MKRN2: variants seen among roughly 807,000 people sequenced by gnomAD.
MKRN2 encodes the protein E3 ubiquitin-protein ligase makorin-2.
A neutral mutation model predicts 45.4 loss-of-function variants in MKRN2; 32 were observed. The ratio of observed to expected loss-of-function variants is 0.70; its 90% CI spans 0.53 to 0.95. The LOEUF (loss-of-function observed/expected upper bound fraction) is 0.95, where lower values mean the gene tolerates loss of function less well. Ranked by LOEUF, MKRN2 falls within the 40% of genes least tolerant of loss-of-function variation. The probability of loss-of-function intolerance (pLI) is 0.00; values close to 1 mark genes in which losing one functional copy is unlikely to be tolerated. For synonymous variants in MKRN2, 206 were observed against 192.4 expected, an observed-to-expected ratio of 1.07 and a Z score of -0.59; for missense variants, 526 against 536.7, an observed-to-expected ratio of 0.98 and a Z score of 0.20.
intron 1 of MKRN2, among the ~76,000 whole-genome samples, chr3:12,564,341 T>C (rs1449219848): frequency 6.6e-6 from 1 of 152,254 alleles, no homozygotes; most frequent in Non-Finnish European, 1.5e-5. Flanking sequence ...TGTTTTTCTA[T>C]AGAAGCTGCA....
rs748037894 is a variant in MKRN2 at position 12,576,689 on chromosome 3, G to A, written c.916G>A (p.Glu306Lys). 1 of 1,610,970 alleles carries A rather than the reference G, an allele frequency of 6.2e-7. No individual in the cohort carries two copies. The highest frequency in any genetic ancestry group is 8.5e-7 in the Non-Finnish European group (1 of 1,177,426). ...EFVIPSVYWV[E>K]DQNKKNELIE... ...TGTAATTCCAAGTGTGTATTGGGTGGAAGATCAGAATAAAAAGAACGAGTT... is the reference window on the plus strand; with the variant it reads ...TGTAATTCCAAGTGTGTATTGGGTGAAAGATCAGAATAAAAAGAACGAGTT... Residue 306 changes from glutamate (E) to lysine (K), a missense_variant, in exon 6 of 8, where the codon GAA (glutamate) becomes AAA (lysine). Glu to Lys is a moderately conservative substitution (Grantham distance 56). Transcript: ENST00000170447.
chr3:12,568,592 G>A (rs1167042655), intron 1 of MKRN2, among the ~76,000 whole-genome samples: 1 of 152,094 alleles, frequency 6.6e-6, no homozygotes, highest in African/African-American at 2.4e-5. Context: ...CAATTATGTG[G>A]CTCACATTGA....
At chr3:12,567,565 C>T (rs557047113) in intron 1 of MKRN2, among the ~76,000 whole-genome samples, 58 of 150,118 alleles carry the variant, frequency 3.9e-4, no homozygotes, top group African/African-American at 1.3e-3. Context: ...CTCGGCTCAC[C>T]GCAACCTCCA....
At chr3:12,571,994 G>T in intron 3 of MKRN2, 75 bp from the exon 4 acceptor site, 2 of 1,423,090 alleles carry the variant, frequency 1.4e-6, no homozygotes, top group Non-Finnish European at 1.9e-6. Context: ...AGCTTAATAT[G>T]TTAGGCTTTG....
intron 4 of MKRN2, 139 bp from the exon 5 acceptor site, chr3:12,574,653 C>T (rs1575521387): frequency 2.6e-6 from 2 of 781,264 alleles, no homozygotes; most frequent in Non-Finnish European, 4.2e-6. Context: ...TTGGGGGAGC[C>T]TGGGCCTTTG....
chr3:12,574,186 G>A (rs1003290671), intron 4 of MKRN2, among the ~76,000 whole-genome samples: 6 of 152,234 alleles, frequency 3.9e-5, no homozygotes, highest in African/African-American at 1.4e-4. Flanking sequence ...AAGTGTGTGA[G>A]GTCTCTGCGG....
chr3:12,561,215 A>G (rs2058034194), intron 1 of MKRN2, among the ~76,000 whole-genome samples: 1 of 152,244 alleles, frequency 6.6e-6, no homozygotes, highest in Non-Finnish European at 1.5e-5. Context: ...TCACCAGCTT[A>G]TAAATGGCAA....
chr3:12,566,177 C>A (rs1333182760), intron 1 of MKRN2, among the ~76,000 whole-genome samples: 1 of 152,084 alleles, frequency 6.6e-6, no homozygotes, highest in Non-Finnish European at 1.5e-5. Context: ...TTAAAGAATC[C>A]CTGCAGCCTC....
chr3:12,559,309 C>T (rs879608576), intron 1 of MKRN2, among the ~76,000 whole-genome samples: 4 of 152,170 alleles, frequency 2.6e-5, no homozygotes, highest in Admixed American at 2.0e-4. Flanking sequence ...AAGCTTTTCT[C>T]ACTTTATTAT....
chr3:12,570,071 A>G lies in MKRN2; in HGVS notation c.156A>G (p.Arg52=), dbSNP rs148485282. 84 of 1,607,354 alleles carry G rather than the reference A, an allele frequency of 5.2e-5. No individual in the cohort carries two copies. The highest frequency in any genetic ancestry group is 6.7e-5 in the Non-Finnish European group (79 of 1,177,814). ...KGYCAYGTRC[R]YDHTRPSAAA... is the part of the protein sequence containing the mutation. ...TGCATCTGCTGTGTGTTTTGTTTAGATATGACCACACGAGGCCCTCTGCTG... is the reference window on the plus strand; with the variant it reads ...TGCATCTGCTGTGTGTTTTGTTTAGGTATGACCACACGAGGCCCTCTGCTG... The change falls in exon 3 of 8, where the codon AGA becomes AGG. Residue 52 remains arginine (R), a splice_region_variant and synonymous_variant. Coordinates refer to ENST00000170447, the MANE Select transcript of MKRN2 (RefSeq NM_014160.5).
intron 1 of MKRN2, among the ~76,000 whole-genome samples, chr3:12,563,571 C>T (rs936021919): frequency 2.7e-5 from 4 of 148,838 alleles, no homozygotes; most frequent in African/African-American, 9.9e-5. Context: ...CTCACTGCAG[C>T]CTCCGCCTCC....
chr3:12,564,581 T>C (rs1301156589), intron 1 of MKRN2, among the ~76,000 whole-genome samples: 1 of 152,214 alleles, frequency 6.6e-6, no homozygotes, highest in East Asian at 1.9e-4. Context: ...AACCTAGCAT[T>C]GTCCCTTCCC....
chr3:12,569,189 T>G (rs2058084873), intron 2 of MKRN2, among the ~76,000 whole-genome samples, 186 bp downstream of exon 2: 1 of 151,522 alleles, frequency 6.6e-6, no homozygotes, highest in Non-Finnish European at 1.5e-5. Context: ...TGAGATAGAG[T>G]CTCTCACTGT....
At chr3:12,574,406 C>G (rs1452308580) in intron 4 of MKRN2, among the ~76,000 whole-genome samples, 1 of 152,226 alleles carries the variant, frequency 6.6e-6, no homozygotes, top group Admixed American at 6.5e-5. Context: ...AAGGACGAGT[C>G]AGCATCTCTG....
chr3:12,562,843 ACC>A (rs1479833561), intron 1 of MKRN2, among the ~76,000 whole-genome samples: 1 of 151,694 alleles, frequency 6.6e-6, no homozygotes, highest in Non-Finnish European at 1.5e-5. Context: ...CCCAGATGGG[ACC>A]ATCTAGTTGC....
intron 3 of MKRN2, 89 bp from the exon 4 acceptor site, chr3:12,571,980 G>C: frequency 7.6e-7 from 1 of 1,321,688 alleles, no homozygotes; most frequent in Non-Finnish European, 1.0e-6. Flanking sequence ...TCTTAGGTCA[G>C]AGTAGCTTAA....
intron 1 of MKRN2, among the ~76,000 whole-genome samples, chr3:12,567,657 T>A (rs1476913140): frequency 6.6e-6 from 1 of 151,916 alleles, no homozygotes; most frequent in Non-Finnish European, 1.5e-5. Flanking sequence ...CCTGACTAAT[T>A]TTGTATTTTT....
In MKRN2 at chr3:12,582,466, A is replaced by G. The variant is rs1185566153; in HGVS notation, c.*213A>G. The G allele has an allele frequency of 3.5e-6, 2 of 577,226 alleles. No homozygotes were observed. Among genetic ancestry groups the G allele is most frequent in the Admixed American group, 3.1e-5 (1 of 32,032 alleles). The allele number at this position is 577,226 out of a possible 1,614,324, so 35.8% of individuals were successfully genotyped here. A position where few individuals can be genotyped will look rare whatever the true frequency, so the allele number is the denominator to read the frequency against. Reference sequence around the variant, plus strand: ...ACCTAATTAAATGTATGGAATTGCTATTTTTATAGCTGATATAGTTACACC... The same window carrying G: ...ACCTAATTAAATGTATGGAATTGCTGTTTTTATAGCTGATATAGTTACACC... On this transcript the variant is annotated 3_prime_UTR_variant, in exon 8 of 8. Transcript: ENST00000170447.
At chr3:12,561,981 G>A (rs548912193) in intron 1 of MKRN2, among the ~76,000 whole-genome samples, 39 of 152,212 alleles carry the variant, frequency 2.6e-4, no homozygotes, top group Admixed American at 1.1e-3. Flanking sequence ...CTGTATTCAA[G>A]GCTGAGATTA....
Sources: allele counts gnomAD v4.1 joint callset (sites outside exome capture counted in the v4.1 genomes callset), GRCh38; gene constraint gnomAD v4.1.1; transcripts MANE v1.5; gene names NCBI Gene and HGNC (gene_info 2026-07-23, HGNC 2026-07-21).